CSMD2: variants seen among roughly 807,000 people sequenced by gnomAD.
CSMD2 encodes CUB and Sushi multiple domains 2.
Under a neutral mutation model 398.5 loss-of-function variants are expected in CSMD2, and 130 were observed. The observed-to-expected ratio is 0.33, with a 90% CI of 0.28 to 0.38. The LOEUF is 0.38. Ranked by LOEUF, CSMD2 falls within the 10% of genes least tolerant of loss-of-function variation. CSMD2 has a pLI of 1.00. For synonymous variants in CSMD2, 1,828 were observed against 1,908.5 expected (o/e 0.96, Z 1.10); for missense variants, 3,829 against 4,764.9 (o/e 0.80, Z 5.78).
chr1:33,808,913 T>C (rs1327122412), intron 10 of CSMD2, among the ~76,000 whole-genome samples: 2 of 151,718 alleles, frequency 1.3e-5, no homozygotes, highest in East Asian at 1.9e-4. Context: ...ATCATAACTA[T>C]AATAAGAGAT....
chr1:33,817,572 T>C (rs1657613652), intron 9 of CSMD2, among the ~76,000 whole-genome samples: 1 of 152,216 alleles, frequency 6.6e-6, no homozygotes, highest in Non-Finnish European at 1.5e-5. Context: ...TAAAAGAACC[T>C]GCAGCAACTA....
chr1:34,093,624 G>C (rs1236775023), intron 1 of CSMD2, among the ~76,000 whole-genome samples: 2 of 151,458 alleles, frequency 1.3e-5, no homozygotes, highest in Admixed American at 6.6e-5. Context: ...GAAGCCTCAG[G>C]AGCCGATGCG....
At chr1:33,577,569 TC>T (rs11291100) in intron 48 of CSMD2, 85 bp from the exon 49 acceptor site, 1,113,341 of 1,113,382 alleles carry the variant, frequency 1, 556,650 homozygotes, top group Middle Eastern at 1. Flanking sequence ...CCCTTTCGTC[TC>T]CCCCCCATCC....
intron 5 of CSMD2, among the ~76,000 whole-genome samples, chr1:33,895,478 A>C (rs1642320737): frequency 1.3e-5 from 2 of 152,146 alleles, no homozygotes; most frequent in African/African-American, 4.8e-5. Context: ...TGTATGGTGG[A>C]TGAAGTGACA....
At chr1:34,045,557 T>C (rs989535468) in intron 2 of CSMD2, among the ~76,000 whole-genome samples, 4 of 152,232 alleles carry the variant, frequency 2.6e-5, no homozygotes, top group African/African-American at 9.6e-5. Flanking sequence ...CAGCTGCACA[T>C]GTGCATTTAT....
chr1:33,927,760 G>A (rs189773584), intron 4 of CSMD2, among the ~76,000 whole-genome samples: 27 of 152,186 alleles, frequency 1.8e-4, no homozygotes, highest in Admixed American at 5.2e-4. Context: ...GGCATGAGAC[G>A]CTTCCTCCTG....
intron 56 of CSMD2, among the ~76,000 whole-genome samples, chr1:33,548,928 A>G (rs1657161968): frequency 6.6e-6 from 1 of 152,196 alleles, no homozygotes; most frequent in African/African-American, 2.4e-5. Flanking sequence ...ATGAGTCATC[A>G]TGGCTCCTAT....
intron 1 of CSMD2, among the ~76,000 whole-genome samples, chr1:34,090,320 T>G (rs1658408622): frequency 6.6e-6 from 1 of 152,162 alleles, no homozygotes; most frequent in Non-Finnish European, 1.5e-5. Flanking sequence ...CTGAGCTTCC[T>G]CCCACAATAC....
chr1:33,650,281 C>A (rs1022913937), intron 28 of CSMD2, among the ~76,000 whole-genome samples: 2 of 152,140 alleles, frequency 1.3e-5, no homozygotes, highest in Admixed American at 1.3e-4. Flanking sequence ...ATATCAACAA[C>A]AAAATAATGT....
At chr1:33,517,083 C>T (rs1024033032) in intron 70 of CSMD2, among the ~76,000 whole-genome samples, 3 of 152,050 alleles carry the variant, frequency 2.0e-5, no homozygotes, top group African/African-American at 4.8e-5. Context: ...ACTCACTGAC[C>T]GCACAGGCCT....
chr1:33,549,530 A>G (rs554812033), intron 56 of CSMD2, among the ~76,000 whole-genome samples: 1 of 152,398 alleles, frequency 6.6e-6, no homozygotes, highest in Middle Eastern at 3.4e-3. Context: ...CTGTGGACAT[A>G]GGACCTTTGG....
At chr1:33,743,219 G>A (rs1038249344) in intron 14 of CSMD2, 61 bp downstream of exon 14, 7 of 1,436,174 alleles carry the variant, frequency 4.9e-6, no homozygotes, top group Non-Finnish European at 5.7e-6. Flanking sequence ...GAGCACCTTC[G>A]ATCATCCTCA....
chr1:33,809,336 T>C (rs534084609), intron 10 of CSMD2, among the ~76,000 whole-genome samples: 85 of 152,134 alleles, frequency 5.6e-4, no homozygotes, highest in African/African-American at 2.0e-3. Flanking sequence ...ATGTTAATCT[T>C]AAGAATGCAA....
intron 55 of CSMD2, among the ~76,000 whole-genome samples, chr1:33,552,404 G>C (rs1191079751): frequency 1.3e-5 from 2 of 152,170 alleles, no homozygotes; most frequent in African/African-American, 4.8e-5. Flanking sequence ...TCTCTCCAAG[G>C]TATATGCCCA....
chr1:33,829,325 C>T (rs971623836), intron 6 of CSMD2, among the ~76,000 whole-genome samples: 2 of 152,226 alleles, frequency 1.3e-5, no homozygotes, highest in African/African-American at 4.8e-5. Context: ...AGATCCACAT[C>T]ACCAGGAACA....
At chr1:33,741,912 G>A (rs779194858) in intron 14 of CSMD2, among the ~76,000 whole-genome samples, 20 of 152,118 alleles carry the variant, frequency 1.3e-4, no homozygotes, top group Non-Finnish European at 4.4e-5. Context: ...TTCCTACTCC[G>A]CCAGGGCAAG....
At chr1:33,659,527 T>G (rs181561530) in intron 26 of CSMD2, among the ~76,000 whole-genome samples, 2 of 152,388 alleles carry the variant, frequency 1.3e-5, no homozygotes, top group Admixed American at 1.3e-4. Flanking sequence ...AAACTACTTT[T>G]ATACTAAAAC....
intron 53 of CSMD2, among the ~76,000 whole-genome samples, chr1:33,561,773 G>A (rs927898487): frequency 3.9e-5 from 6 of 152,238 alleles, no homozygotes; most frequent in Admixed American, 6.5e-5. Flanking sequence ...GTAGGGCTTC[G>A]CCAGGTCAAG....
At chr1:33,522,694 C>A (rs913820366) in intron 67 of CSMD2, among the ~76,000 whole-genome samples, 2 of 152,184 alleles carry the variant, frequency 1.3e-5, no homozygotes, top group African/African-American at 4.8e-5. Flanking sequence ...CTTCTAGCTC[C>A]AGCAATCCAA....
Sources: gnomAD v4.1 joint callset for allele counts (sites outside exome capture counted in the v4.1 genomes callset) on GRCh38, gnomAD v4.1.1 for gene constraint, MANE v1.5 for transcripts, NCBI Gene and HGNC (gene_info 2026-07-23, HGNC 2026-07-21) for gene names.